Variants in OTOGL observed in about 807,000 individuals in gnomAD.
OTOGL encodes the protein otogelin-like protein.
A neutral mutation model predicts 318.5 loss-of-function variants in OTOGL; 285 were observed. The observed-to-expected ratio is 0.89, with a 90% CI of 0.81 to 0.99. The LOEUF (loss-of-function observed/expected upper bound fraction) is 0.99. Among genes scored for constraint, OTOGL ranks in the 50% least tolerant of loss-of-function variants. OTOGL has a pLI of 0.00. For synonymous variants in OTOGL, 987 were observed against 936.5 expected, an observed-to-expected ratio of 1.05 and a Z score of -0.99; for missense variants, 2,899 against 2,845.6, an observed-to-expected ratio of 1.02 and a Z score of -0.43.
In OTOGL at chr12:80,323,859, T is replaced by C. The variant is rs1251129718; in HGVS notation, c.4199+19T>C. ...TTCCACCGTAAGTAACGTTTACCAA[T>C]AAGTGATCAAAGTCCAGCCTTAGCA... is the stretch of plus-strand genomic sequence containing the variant. On this transcript the variant is annotated intron_variant, in intron 35 of 58. Coordinates refer to ENST00000547103, the MANE Select transcript of OTOGL (RefSeq NM_001378609.3). 6.4e-7 allele frequency: 1 copy of C among 1,567,524 alleles called. No homozygotes were observed. The highest frequency in any genetic ancestry group is 8.8e-7 in the Non-Finnish European group (1 of 1,139,040).
In OTOGL at chr12:80,157,613, G is replaced by C. The variant is rs186870417; in HGVS notation, c.-19-51800G>C. Among the ~76,000 whole-genome samples, 38 of 152,294 alleles carry C rather than the reference G, an allele frequency of 2.5e-4. No homozygotes were observed. The East Asian group carries it at 5.2e-3, about 21-fold the overall frequency. On this transcript the variant is annotated intron_variant, in intron 1 of 58. Transcript: ENST00000547103. ...TGTTTAATTTTTGTATATGGTGAGA[G>C]ATAGGGGTTTAGTTTCATTTTTCTT...
chr12:80,216,264 T>C (rs1416325463), intron 4 of OTOGL, among the ~76,000 whole-genome samples: 1 of 152,202 alleles, frequency 6.6e-6, no homozygotes, highest in African/African-American at 2.4e-5. Flanking sequence ...GAGAAACAAC[T>C]CTGTTCCTGA....
rs561092196 is a variant in OTOGL at position 80,307,607 on chromosome 12, C to T, written c.3333+1912C>T. On this transcript the variant is annotated intron_variant, in intron 29 of 58. Coordinates refer to ENST00000547103, the MANE Select transcript of OTOGL (RefSeq NM_001378609.3). ...CTCCTGGACGGGGCGGCTGGCTGGG[C>T]GGGGGGCTGACCCCCCCACCTCCCT... Among the ~76,000 whole-genome samples the T allele has an allele frequency of 2.3e-4, 29 of 128,362 alleles. No homozygotes were observed. The South Asian group carries it at 3.7e-3, about 16-fold the overall frequency. 84.2% of individuals were successfully genotyped at this position (128,362 alleles called of 152,430 possible).
chr12:80,208,389 C>G (rs1415884436), intron 1 of OTOGL, among the ~76,000 whole-genome samples: 1 of 152,188 alleles, frequency 6.6e-6, no homozygotes, highest in African/African-American at 2.4e-5. Flanking sequence ...ATATTAACAA[C>G]TGCTGTGCCT....
chr12:80,336,524 T>C lies in OTOGL; in HGVS notation c.4712T>C (p.Val1571Ala), dbSNP rs775006488. ...ILVRIPGEII[V>A]AHIEKCSMNQ... ...GTAAGAATTCCTGGTGAAATTATAG[T>C]TGCTCATATCGAAAAATGTTCCATG... The change falls in exon 40 of 59, where the codon GTT becomes GCT. Residue 1571 changes from valine to alanine, a missense_variant. Val to Ala is a moderately conservative substitution (Grantham distance 64). Coordinates refer to ENST00000547103, the MANE Select transcript of OTOGL (RefSeq NM_001378609.3). 1.2e-6 allele frequency: 2 copies of C among 1,609,728 alleles called. No homozygotes were observed. The highest frequency in any genetic ancestry group is 2.2e-5 in the South Asian group (2 of 90,474).
At chr12:80,118,402 C>T (rs75911401) in intron 1 of OTOGL, among the ~76,000 whole-genome samples, 3,547 of 152,238 alleles carry the variant, frequency 0.023, 59 homozygotes, top group Admixed American at 0.035. Context: ...GATCTCACAG[C>T]GCTAGGAGGG....
intron 1 of OTOGL, among the ~76,000 whole-genome samples, chr12:80,207,425 A>C (rs1047499705): frequency 6.6e-5 from 10 of 152,000 alleles, no homozygotes; most frequent in East Asian, 1.9e-4. Context: ...GGCTGGTCTC[A>C]AACTCCCGAC....
intron 7 of OTOGL, among the ~76,000 whole-genome samples, chr12:80,224,102 G>A (rs1312095458): frequency 2.0e-5 from 3 of 152,086 alleles, no homozygotes; most frequent in African/African-American, 4.8e-5. Flanking sequence ...GTTGATTTTT[G>A]TATAAAGTGA....
intron 44 of OTOGL, among the ~76,000 whole-genome samples, chr12:80,349,828 A>G (rs1376306289): frequency 6.6e-6 from 1 of 152,188 alleles, no homozygotes; most frequent in Non-Finnish European, 1.5e-5. Context: ...ATAAAATTGT[A>G]TGTGTTTACT....
At chr12:80,221,754 T>C (rs1189583821) in intron 6 of OTOGL, among the ~76,000 whole-genome samples, 1 of 152,216 alleles carries the variant, frequency 6.6e-6, no homozygotes, top group Admixed American at 6.5e-5. Context: ...ATTTCTCTTT[T>C]TTCTGAGCCA....
At chr12:80,150,491 T>C (rs765203831) in intron 1 of OTOGL, among the ~76,000 whole-genome samples, 1 of 152,242 alleles carries the variant, frequency 6.6e-6, no homozygotes, top group Non-Finnish European at 1.5e-5. Flanking sequence ...TTATCTTTTA[T>C]CTAGGCAGTG....
At position 80,165,811 on chromosome 12, in the gene OTOGL, T is replaced by A. The variant is rs558559547; in HGVS notation, c.-19-43602T>A. Among the ~76,000 whole-genome samples the A allele has an allele frequency of 1.3e-4, 20 of 152,342 alleles. No individual in the cohort carries two copies. In the East Asian group the frequency reaches 3.9e-3, roughly 29 times the overall value. ...CTAAATGTAGTAATAGCTTCCACTGTTGCCAGTCCTGAGGTGCTTCATCAA... is the reference window on the plus strand; with the variant it reads ...CTAAATGTAGTAATAGCTTCCACTGATGCCAGTCCTGAGGTGCTTCATCAA... On this transcript the variant is annotated intron_variant, in intron 1 of 58. Coordinates refer to ENST00000547103, the MANE Select transcript of OTOGL (RefSeq NM_001378609.3).
intron 7 of OTOGL, among the ~76,000 whole-genome samples, chr12:80,225,631 A>T (rs1055721685): frequency 6.6e-6 from 1 of 152,240 alleles, no homozygotes; most frequent in East Asian, 1.9e-4. Context: ...TTTTATACAT[A>T]CTTATAAAAT....
At position 80,302,705 on chromosome 12, in the gene OTOGL, A is replaced by G. The variant is rs374893287; in HGVS notation, c.3135A>G (p.Val1045=). ...QLWKAGYYIV[V]YFPEKDITIL... is the part of the protein sequence containing the mutation. ...GGAAGGCTGGTTACTATATAGTAGT[A>G]TACTTTCCAGAGAAAGATATCACTA... Residue 1045 remains valine, a synonymous_variant, in exon 28 of 59, where the codon GTA becomes GTG. Transcript: ENST00000547103. 23 of 1,534,654 alleles carry G rather than the reference A, an allele frequency of 1.5e-5. No individual in the cohort carries two copies. The highest frequency in any genetic ancestry group is 3.9e-5 in the Admixed American group (2 of 51,590).
chr12:80,271,925 G>C, intron 24 of OTOGL, 115 bp downstream of exon 24: 1 of 1,223,884 alleles, frequency 8.2e-7, no homozygotes, highest in South Asian at 1.7e-5. Context: ...GTGGTTAACT[G>C]GGTTGGTAGC....
At chr12:80,286,547 C>G (rs1456598041) in intron 26 of OTOGL, among the ~76,000 whole-genome samples, 2 of 152,082 alleles carry the variant, frequency 1.3e-5, no homozygotes, top group African/African-American at 2.4e-5. Context: ...GCCTCAATTT[C>G]AGAACTTGTT....
At chr12:80,264,905 T>A (rs750300591) in intron 19 of OTOGL, 96 bp from the exon 20 acceptor site, 99 of 1,226,012 alleles carry the variant, frequency 8.1e-5, no homozygotes, top group Non-Finnish European at 1.2e-4. Flanking sequence ...AAAAGTAATA[T>A]GCACTACAGT....
chr12:80,128,015 C>G (rs370467958), intron 1 of OTOGL, among the ~76,000 whole-genome samples: 1 of 152,080 alleles, frequency 6.6e-6, no homozygotes, highest in African/African-American at 2.4e-5. Context: ...GTAGTTTGAT[C>G]GTCTGAAGCC....
intron 55 of OTOGL, 114 bp downstream of exon 55, chr12:80,368,423 T>G: frequency 1.7e-6 from 1 of 585,750 alleles, no homozygotes; most frequent in Non-Finnish European, 3.0e-6. Context: ...ATAAACACAG[T>G]ACACCTACAG....
Sources: allele counts gnomAD v4.1 joint callset (sites outside exome capture counted in the v4.1 genomes callset), GRCh38; gene constraint gnomAD v4.1.1; transcripts MANE v1.5; gene names NCBI Gene and HGNC (gene_info 2026-07-23, HGNC 2026-07-21).